KCNH5: variants seen among roughly 807,000 people sequenced by gnomAD.
KCNH5 encodes potassium voltage-gated channel subfamily H member 5, also known as voltage-gated delayed rectifier potassium channel KCNH5.
A neutral mutation model predicts 96.1 loss-of-function variants in KCNH5; 46 were observed. That is an observed-to-expected ratio of 0.48 (90% CI 0.38 to 0.61). The LOEUF (loss-of-function observed/expected upper bound fraction) is 0.61. Among genes scored for constraint, KCNH5 ranks in the 20% least tolerant of loss-of-function variants. The pLI is 0.00. For synonymous variants in KCNH5, 439 were observed against 449.8 expected, an observed-to-expected ratio of 0.98 and a Z score of 0.30; for missense variants, 907 against 1,225.8, an observed-to-expected ratio of 0.74 and a Z score of 3.88.
chr14:62,934,438 G>T (rs1034542269), intron 7 of KCNH5, among the ~76,000 whole-genome samples: 1 of 152,104 alleles, frequency 6.6e-6, no homozygotes, highest in African/African-American at 2.4e-5. Context: ...ACAGACAGTT[G>T]TTTCCAAACC....
chr14:62,886,735 C>A (rs986751036), intron 7 of KCNH5, among the ~76,000 whole-genome samples: 1 of 152,112 alleles, frequency 6.6e-6, no homozygotes, highest in African/African-American at 2.4e-5. Flanking sequence ...GCTGGATGTG[C>A]CTTTCCTTTC....
chr14:63,033,905 T>G (rs778857761), intron 1 of KCNH5, among the ~76,000 whole-genome samples: 6 of 151,914 alleles, frequency 3.9e-5, no homozygotes, highest in Non-Finnish European at 8.8e-5. Flanking sequence ...AATCATGCAG[T>G]CTGTATTATT....
chr14:62,895,490 C>T (rs548550068), intron 7 of KCNH5, among the ~76,000 whole-genome samples: 9 of 152,198 alleles, frequency 5.9e-5, no homozygotes, highest in African/African-American at 1.9e-4. Flanking sequence ...GCCACCACAC[C>T]CAGCTAATTT....
chr14:62,842,293 G>C (rs546495932), intron 8 of KCNH5, among the ~76,000 whole-genome samples: 1 of 152,212 alleles, frequency 6.6e-6, no homozygotes, highest in South Asian at 2.1e-4. Flanking sequence ...TAAGCCACTG[G>C]CTGTTATTTT....
At chr14:62,889,951 C>T (rs1015682657) in intron 7 of KCNH5, among the ~76,000 whole-genome samples, 8 of 152,054 alleles carry the variant, frequency 5.3e-5, no homozygotes, top group South Asian at 2.1e-4. Context: ...AACCCATCTT[C>T]GGCAAAGTTG....
At chr14:62,934,931 C>G (rs1889650324) in intron 7 of KCNH5, among the ~76,000 whole-genome samples, 1 of 151,998 alleles carries the variant, frequency 6.6e-6, no homozygotes, top group South Asian at 2.1e-4. Flanking sequence ...ACAAGAGAAA[C>G]CCAAAATAGG....
At chr14:62,731,925 C>T (rs1434095098) in intron 10 of KCNH5, among the ~76,000 whole-genome samples, 1 of 152,176 alleles carries the variant, frequency 6.6e-6, no homozygotes, top group Non-Finnish European at 1.5e-5. Context: ...TGAGCACACA[C>T]CACTGAATGA....
chr14:62,844,483 C>T (rs1188524665), intron 8 of KCNH5, among the ~76,000 whole-genome samples: 1 of 152,112 alleles, frequency 6.6e-6, no homozygotes, highest in Non-Finnish European at 1.5e-5. Context: ...CAACCATCAT[C>T]CTTTCTATTT....
At chr14:62,800,900 A>T (rs1886646534) in intron 9 of KCNH5, among the ~76,000 whole-genome samples, 1 of 152,070 alleles carries the variant, frequency 6.6e-6, no homozygotes, top group African/African-American at 2.4e-5. Flanking sequence ...AAACATACCC[A>T]GAATGTTGAC....
Position 62,802,351 on chromosome 14 carries a change from A to G in KCNH5, c.1800T>C (p.Asp600=). The part of the protein sequence containing the change: ...VVSGSLEVIQ[D]DEVVAILGKG... ...TACCTAAAATAGCCACCACCTCATC[A>G]TCCTGGATGACTTCCAAGGATCCTG... The change falls in exon 9 of 11, where the codon GAT becomes GAC. Residue 600 remains aspartate (D), a synonymous_variant. Transcript: ENST00000322893. 1 of 1,614,086 alleles carries G rather than the reference A, an allele frequency of 6.2e-7. No homozygotes were observed. Among genetic ancestry groups the G allele is most frequent in the Middle Eastern group, 1.7e-4 (1 of 6,058 alleles).
At chr14:62,983,921 A>C (rs568131109) in intron 5 of KCNH5, among the ~76,000 whole-genome samples, 15 of 152,182 alleles carry the variant, frequency 9.9e-5, no homozygotes, top group Non-Finnish European at 1.9e-4. Context: ...CCCTCCAAAA[A>C]AATGCAAGAT....
In KCNH5 at chr14:62,998,923, C is replaced by T. The variant is rs532817538; in HGVS notation, c.433+2408G>A. Among the ~76,000 whole-genome samples the T allele has an allele frequency of 3.9e-5, 6 of 152,254 alleles. No individual in the cohort carries two copies. The South Asian group carries it at 1.2e-3, about 32-fold the overall frequency. On this transcript the variant is annotated intron_variant, in intron 4 of 10. Transcript: ENST00000322893. ...GAGGTGAAGAATATGTATTCTCTGG[C>T]TGTTGGATGGAGCACCATGAATTTT...
At chr14:62,953,256 T>C (rs1294556443) in intron 6 of KCNH5, among the ~76,000 whole-genome samples, 1 of 152,104 alleles carries the variant, frequency 6.6e-6, no homozygotes, top group Non-Finnish European at 1.5e-5. Flanking sequence ...CTCTTGGTTT[T>C]TAGCCAACCC....
chr14:62,762,771 T>G (rs1292322346), intron 10 of KCNH5, among the ~76,000 whole-genome samples: 1 of 148,112 alleles, frequency 6.8e-6, no homozygotes, highest in Non-Finnish European at 1.5e-5. Flanking sequence ...AGACTTTAAA[T>G]CAAAAATAAT....
intron 8 of KCNH5, among the ~76,000 whole-genome samples, chr14:62,811,917 A>G (rs1476893990): frequency 1.3e-5 from 2 of 152,294 alleles, no homozygotes; most frequent in East Asian, 1.9e-4. Flanking sequence ...CAGATCCATC[A>G]GCAAAAACTC....
At chr14:62,834,317 T>A (rs145182729) in intron 8 of KCNH5, among the ~76,000 whole-genome samples, 126 of 152,126 alleles carry the variant, frequency 8.3e-4, no homozygotes, top group Middle Eastern at 3.4e-3. Context: ...AATTTATGTG[T>A]CTTTCTGAAC....
intron 7 of KCNH5, among the ~76,000 whole-genome samples, chr14:62,885,065 C>A (rs1305232804): frequency 2.0e-5 from 3 of 152,242 alleles, no homozygotes; most frequent in Non-Finnish European, 4.4e-5. Flanking sequence ...AAAGTAAAGA[C>A]AAATTCTTGA....
intron 6 of KCNH5, among the ~76,000 whole-genome samples, chr14:62,976,402 C>CA (rs58791042): frequency 0.16 from 13,759 of 85,076 alleles, 1,032 homozygotes; most frequent in East Asian, 0.34. Flanking sequence ...GACTCCATGT[C>CA]AAAAAAAAAA....
chr14:62,740,626 AT>A (rs1885252743), intron 10 of KCNH5, among the ~76,000 whole-genome samples: 1 of 151,964 alleles, frequency 6.6e-6, no homozygotes, highest in Non-Finnish European at 1.5e-5. Flanking sequence ...CCTCATTCTG[AT>A]TTTTTCCTTT....
Sources: allele counts gnomAD v4.1 joint callset (sites outside exome capture counted in the v4.1 genomes callset), GRCh38; gene constraint gnomAD v4.1.1; transcripts MANE v1.5; gene names NCBI Gene and HGNC (gene_info 2026-07-23, HGNC 2026-07-21).